XRN2: variants seen among roughly 807,000 people sequenced by gnomAD.
XRN2 encodes 5'-3' exoribonuclease 2, also known as DHM1-like protein.
Under a neutral mutation model 138.5 loss-of-function variants are expected in XRN2, and 44 were observed. The ratio of observed to expected loss-of-function variants is 0.32; its 90% CI spans 0.25 to 0.41. The LOEUF is 0.41. Ranked by LOEUF, XRN2 falls within the 10% of genes least tolerant of loss-of-function variation. The probability of loss-of-function intolerance (pLI) is 1.00; values close to 1 mark genes in which losing one functional copy is unlikely to be tolerated. For missense variants in XRN2, 937 were observed against 1,169.3 expected, an observed-to-expected ratio of 0.80 and a Z score of 2.90; for synonymous variants, 354 against 369.4, an observed-to-expected ratio of 0.96 and a Z score of 0.48.
chr20:21,356,475 G>A, intron 22 of XRN2, 111 bp from the exon 23 acceptor site: 1 of 918,934 alleles, frequency 1.1e-6, no homozygotes, highest in South Asian at 1.7e-5. Flanking sequence ...ATTTGGGTTT[G>A]TTTCTGCCTT....
At chr20:21,335,601 C>G (rs1052154464) in intron 13 of XRN2, among the ~76,000 whole-genome samples, 10 of 152,168 alleles carry the variant, frequency 6.6e-5, no homozygotes, top group African/African-American at 2.4e-4. Flanking sequence ...ATATAGAATT[C>G]AAATTACAGA....
chr20:21,323,291 A>G (rs1568570882), intron 1 of XRN2, among the ~76,000 whole-genome samples: 2 of 152,054 alleles, frequency 1.3e-5, no homozygotes, highest in East Asian at 3.8e-4. Flanking sequence ...TATACAGTAG[A>G]TTTGTTTGTT....
chr20:21,377,257 G>GTTTTTTTTTTTTTTTTTTTTT (rs1166479171), intron 27 of XRN2, among the ~76,000 whole-genome samples: 3 of 30,322 alleles, frequency 9.9e-5, no homozygotes, highest in African/African-American at 5.7e-4. Context: ...TGATTTGTCG[G>GTTTTTTTTTTTTTTTTTTTTT]TTTTTTCTTT....
intron 1 of XRN2, among the ~76,000 whole-genome samples, chr20:21,314,675 G>C (rs1393103973): frequency 6.6e-6 from 1 of 151,584 alleles, no homozygotes; most frequent in East Asian, 1.9e-4. Flanking sequence ...TTTAAGAGAT[G>C]GGGTTTCTCT....
chr20:21,372,642 T>C (rs996403500), intron 27 of XRN2, among the ~76,000 whole-genome samples: 3 of 152,234 alleles, frequency 2.0e-5, no homozygotes, highest in African/African-American at 7.2e-5. Flanking sequence ...AATTAGATTA[T>C]TGTACGTGTA....
At chr20:21,388,348 C>T (rs776615589) in intron 29 of XRN2, among the ~76,000 whole-genome samples, 12 of 152,150 alleles carry the variant, frequency 7.9e-5, no homozygotes, top group Non-Finnish European at 1.0e-4. Flanking sequence ...AGATATAAAC[C>T]AATTGGTAAA....
chr20:21,306,198 G>C (rs2037812666), intron 1 of XRN2, among the ~76,000 whole-genome samples: 1 of 71,142 alleles, frequency 1.4e-5, no homozygotes, highest in Non-Finnish European at 3.3e-5. Flanking sequence ...GTGCAGTGGT[G>C]TGATATCGGC....
intron 14 of XRN2, 52 bp downstream of exon 14, chr20:21,339,140 A>G: frequency 1.3e-6 from 2 of 1,533,940 alleles, no homozygotes; most frequent in Non-Finnish European, 1.8e-6. Context: ...TTTACAATTT[A>G]TGAGGAAGAT....
intron 27 of XRN2, among the ~76,000 whole-genome samples, chr20:21,371,180 A>G (rs554758027): frequency 4.6e-5 from 7 of 152,322 alleles, no homozygotes; most frequent in African/African-American, 1.4e-4. Context: ...TATTTGTACT[A>G]TGCACCTAGC....
At chr20:21,365,881 T>TTATATAATATATAATTATATATATAATA (rs2038690113) in intron 26 of XRN2, among the ~76,000 whole-genome samples, 177 bp downstream of exon 26, 1 of 85,244 alleles carries the variant, frequency 1.2e-5, no homozygotes, top group African/African-American at 4.6e-5. Flanking sequence ...ATATATAATA[T>TTATATAATATATAATTATATATATAATA]TATATAATAT....
At position 21,357,727 on chromosome 20, in the gene XRN2, T is replaced by G; in HGVS notation, c.2199-9T>G. ...ACAGAGAGATGTTTCTTCTCTTGTT[T>G]CCTTCTAGAATAGTATGTTCTCCTG... On this transcript the variant is annotated splice_polypyrimidine_tract_variant and intron_variant, in intron 23 of 29. Coordinates refer to ENST00000377191, the MANE Select transcript of XRN2 (RefSeq NM_012255.5). 6.3e-7 allele frequency: 1 copy of G among 1,579,902 alleles called. No homozygotes were observed. The highest frequency in any genetic ancestry group is 8.6e-7 in the Non-Finnish European group (1 of 1,164,656).
At chr20:21,323,497 G>A (rs1364748952) in intron 1 of XRN2, among the ~76,000 whole-genome samples, 1 of 152,172 alleles carries the variant, frequency 6.6e-6, no homozygotes, top group Non-Finnish European at 1.5e-5. Context: ...AAACGTGTTG[G>A]TATAGCATTG....
chr20:21,350,525 C>CAAAAAAAAAAAA (rs11484426), intron 20 of XRN2, among the ~76,000 whole-genome samples: 2 of 58,948 alleles, frequency 3.4e-5, no homozygotes, highest in African/African-American at 6.9e-5. Context: ...GACTCCGTCT[C>CAAAAAAAAAAAA]AAAAAAAAAA....
At chr20:21,380,672 A>G (rs2038873457) in intron 27 of XRN2, among the ~76,000 whole-genome samples, 2 of 152,182 alleles carry the variant, frequency 1.3e-5, no homozygotes, top group Admixed American at 1.3e-4. Flanking sequence ...GACTAAAGAT[A>G]CCACCTTTTA....
chr20:21,389,532 G>T lies in XRN2; in HGVS notation c.*194G>T. ...AAAGATGTATGTTGCATAATACAGT[G>T]GATCTGAATTTATTATTGCTTATAA... is the stretch of plus-strand genomic sequence containing the variant. On this transcript the variant is annotated 3_prime_UTR_variant, in exon 30 of 30. Transcript: ENST00000377191. The T allele has an allele frequency of 2.1e-6, 1 of 470,730 alleles. No homozygotes were observed. Among genetic ancestry groups the T allele is most frequent in the Non-Finnish European group, 3.7e-6 (1 of 270,746 alleles). 29.2% of individuals were successfully genotyped at this position (470,730 alleles called of 1,614,324 possible).
At chr20:21,355,013 G>A (rs1327468269) in intron 21 of XRN2, 141 bp downstream of exon 21, 1 of 601,860 alleles carries the variant, frequency 1.7e-6, no homozygotes, top group African/African-American at 1.9e-5. Context: ...TCTTATTACA[G>A]ACGTTGACTT....
Position 21,389,257 on chromosome 20 carries a change from TTTTG to T in XRN2, c.2788-12_2788-9del, listed in dbSNP as rs2038964938. 1.9e-6 allele frequency: 3 copies of T among 1,608,998 alleles called. No homozygotes were observed. Among genetic ancestry groups the T allele is most frequent in the Admixed American group, 1.7e-5 (1 of 59,570 alleles). On this transcript the variant is annotated splice_polypyrimidine_tract_variant and intron_variant, in intron 29 of 29. Coordinates refer to ENST00000377191, the MANE Select transcript of XRN2 (RefSeq NM_012255.5). ...ATCGGTCCAGAAAATAAACTCTTTC[TTTTG>T]TTTATTTTCAGGGATATCCCAGAGA...
At chr20:21,379,148 C>T (rs752978982) in intron 27 of XRN2, among the ~76,000 whole-genome samples, 8 of 152,126 alleles carry the variant, frequency 5.3e-5, no homozygotes, top group Non-Finnish European at 8.8e-5. Context: ...GCTTGGTTTA[C>T]ATGGCCTTAG....
intron 13 of XRN2, among the ~76,000 whole-genome samples, chr20:21,335,955 C>A (rs2038283162): frequency 6.6e-6 from 1 of 152,130 alleles, no homozygotes; most frequent in Admixed American, 6.5e-5. Context: ...GGGAAACCCT[C>A]AAAAACGCAA....
Sources: gnomAD v4.1 joint callset for allele counts (sites outside exome capture counted in the v4.1 genomes callset) on GRCh38, gnomAD v4.1.1 for gene constraint, MANE v1.5 for transcripts, NCBI Gene and HGNC (gene_info 2026-07-23, HGNC 2026-07-21) for gene names.